The following FAM120C variants were observed in gnomAD, a reference collection of about 807,000 sequenced individuals.
FAM120C encodes the protein constitutive coactivator of PPAR-gamma-like protein 2.
FAM120C carries 14 observed loss-of-function variants against 71.2 expected under a neutral mutation model. That is an observed-to-expected ratio of 0.20 (90% confidence interval 0.13 to 0.31). The LOEUF is 0.31. FAM120C is among the 10% of genes least tolerant of loss of function. FAM120C has a pLI of 1.00. For synonymous variants in FAM120C, 354 were observed against 353.2 expected, an observed-to-expected ratio of 1.00 and a Z score of -0.03; for missense variants, 500 against 879.0, an observed-to-expected ratio of 0.57 and a Z score of 5.45.
At chrX:54,156,886 C>CA (rs782182111) in intron 3 of FAM120C, among the ~76,000 whole-genome samples, 5,014 of 32,442 alleles carry the variant, frequency 0.15, 304 homozygotes, top group Non-Finnish European at 0.19. Flanking sequence ...GACTTTGCCT[C>CA]AAAAAAAAAA....
At chrX:54,181,329 C>T (rs1557137365) in intron 1 of FAM120C, among the ~76,000 whole-genome samples, 1 of 111,082 alleles carries the variant, frequency 9.0e-6, no homozygotes, top group Non-Finnish European at 1.9e-5. Flanking sequence ...AATAGGTTTG[C>T]GGTTTCTTTC....
intron 9 of FAM120C, among the ~76,000 whole-genome samples, chrX:54,131,537 C>A: frequency 9.1e-6 from 1 of 109,540 alleles, no homozygotes; most frequent in Non-Finnish European, 1.9e-5. Flanking sequence ...CTCCTGAGTT[C>A]AAGCGATTCT....
intron 1 of FAM120C, among the ~76,000 whole-genome samples, chrX:54,165,704 G>A (rs782063333): frequency 1.5e-4 from 17 of 110,505 alleles, no homozygotes; most frequent in African/African-American, 5.3e-4. Context: ...TTGATCTCAG[G>A]AGGTAGCGGT....
chrX:54,078,189 C>T (rs962500040), intron 15 of FAM120C, among the ~76,000 whole-genome samples: 29 of 106,770 alleles, frequency 2.7e-4, no homozygotes, highest in Non-Finnish European at 1.5e-4. Context: ...GTGATCCGCC[C>T]GCCTCGGCCT....
At chrX:54,141,746 A>G (rs1557131700) in intron 4 of FAM120C, among the ~76,000 whole-genome samples, 1 of 111,414 alleles carries the variant, frequency 9.0e-6, no homozygotes, top group African/African-American at 3.3e-5. Flanking sequence ...CCTAGAAGTA[A>G]TAAGTGAGTT....
chrX:54,113,301 A>T (rs1185362434), intron 10 of FAM120C, among the ~76,000 whole-genome samples: 3 of 108,026 alleles, frequency 2.8e-5, no homozygotes, highest in Non-Finnish European at 5.7e-5. Flanking sequence ...ATCTCTACTA[A>T]AATAAAAAAT....
At chrX:54,144,180 T>C (rs2067142442) in intron 4 of FAM120C, among the ~76,000 whole-genome samples, 1 of 111,412 alleles carries the variant, frequency 9.0e-6, no homozygotes. Flanking sequence ...TAATAAGAGC[T>C]ATTTATGACA....
chrX:54,078,145 T>A (rs1029270458), intron 15 of FAM120C, among the ~76,000 whole-genome samples: 1 of 104,926 alleles, frequency 9.5e-6, no homozygotes, highest in Non-Finnish European at 2.0e-5. Flanking sequence ...GGGTTTCACC[T>A]TGTTAGCCAG....
At position 54,073,173 on chromosome X, in the gene FAM120C, G is replaced by T; in HGVS notation, c.3151C>A (p.Pro1051Thr). 3 of 1,211,261 alleles carry T rather than the reference G, an allele frequency of 2.5e-6. No homozygotes were observed. In the South Asian group the frequency reaches 5.3e-5, roughly 21 times the overall value. Residue 1051 changes from proline to threonine, a missense_variant, in exon 16 of 16, where the codon CCA becomes ACA. By Grantham distance (38) the Pro-to-Thr change is conservative (BLOSUM62 -1). Coordinates refer to ENST00000375180, the MANE Select transcript of FAM120C (RefSeq NM_017848.6). The stretch of plus-strand genomic sequence containing the variant: ...GATAAGGCACATTGTGATGGAGCTG[G>T]AAGACGATGATCACTCTTCTCTTCC... ...IKEEKSDHRL[P>T]APSQCALSRD...
At chrX:54,082,623 G>C (rs1236283143) in intron 13 of FAM120C, among the ~76,000 whole-genome samples, 1 of 108,774 alleles carries the variant, frequency 9.2e-6, no homozygotes, top group Non-Finnish European at 1.9e-5. Context: ...TGGCCAGGCT[G>C]GTCTCGAACT....
chrX:54,104,823 AG>A (rs1483786986), intron 10 of FAM120C, among the ~76,000 whole-genome samples: 1 of 110,514 alleles, frequency 9.0e-6, no homozygotes, highest in Non-Finnish European at 1.9e-5. Flanking sequence ...GGGAAAAAAA[AG>A]AAAAAGAAAA....
chrX:54,091,563 T>A, intron 10 of FAM120C, 137 bp from the exon 11 acceptor site: 1 of 425,523 alleles, frequency 2.4e-6, no homozygotes, highest in Non-Finnish European at 4.1e-6. Context: ...GGAAAAAGAA[T>A]CTCTGCTTTC....
At chrX:54,175,545 G>A (rs1253870357) in intron 1 of FAM120C, among the ~76,000 whole-genome samples, 5 of 108,964 alleles carry the variant, frequency 4.6e-5, no homozygotes, top group South Asian at 8.1e-4. Context: ...TCTTAACTCC[G>A]TCGCCCAGGC....
chrX:54,138,495 CAAA>C (rs781947470), intron 4 of FAM120C, among the ~76,000 whole-genome samples: 3 of 41,001 alleles, frequency 7.3e-5, no homozygotes, highest in African/African-American at 1.1e-4. Flanking sequence ...GACACTGTCT[CAAA>C]AAAAAAAAAA....
At chrX:54,100,961 T>A (rs1404273815) in intron 10 of FAM120C, among the ~76,000 whole-genome samples, 2 of 111,217 alleles carry the variant, frequency 1.8e-5, no homozygotes, top group East Asian at 2.8e-4. Context: ...TGCATTGCCC[T>A]GGTTGGAGAC....
rs782506290 is a variant in FAM120C, at chrX:54,133,962, A to G, written c.1701T>C (p.Thr567=). The change falls in exon 8 of 16, where the codon ACT becomes ACC. Residue 567 remains threonine (T), a synonymous_variant. Coordinates refer to ENST00000375180, the MANE Select transcript of FAM120C (RefSeq NM_017848.6). ...CACCTAGGCTCGCTTCTGAAACTCC[A>G]GTATCAACAGGCTGTGCCCAGGACC... ...DRGSWAQPVD[T]GVSEASLGDG... The G allele has an allele frequency of 8.3e-7, 1 of 1,211,679 alleles. No homozygotes were observed. Among genetic ancestry groups the G allele is most frequent in the Non-Finnish European group, 1.1e-6 (1 of 895,390 alleles).
In FAM120C at chrX:54,085,717, G is replaced by A. The variant is rs1557121877; in HGVS notation, c.2837C>T (p.Ala946Val). 1 of 1,209,280 alleles carries A rather than the reference G, an allele frequency of 8.3e-7. No homozygotes were observed. The highest frequency in any genetic ancestry group is 1.8e-5 in the South Asian group (1 of 56,917). ...LPPQGRSRGFAGLHPIPPQGG... is the reference protein window; with the variant it reads ...LPPQGRSRGFVGLHPIPPQGG... ...ATACCTCATTCTTTGGTACTGACCT[G>A]CAAATCCCCGGCTCCTCCCTTGAGG... Residue 946 changes from alanine to valine, a missense_variant and splice_region_variant, in exon 13 of 16, where the codon GCA becomes GTA. By Grantham distance (64) the Ala-to-Val change is moderately conservative. Around this residue, in one of 11 missense-constraint regions of FAM120C, gnomAD observed 34 missense variants for 45.2 expected, o/e 0.75. Transcript: ENST00000375180.
At chrX:54,174,192 G>C in intron 1 of FAM120C, 1 of 512,126 alleles carries the variant, frequency 2.0e-6, no homozygotes, top group South Asian at 2.5e-5. Context: ...GAAAGAGAGA[G>C]AGAGTGCAAA....
At chrX:54,119,880 A>G (rs2066998169) in intron 9 of FAM120C, among the ~76,000 whole-genome samples, 1 of 14,280 alleles carries the variant, frequency 7.0e-5, no homozygotes, top group Non-Finnish European at 1.2e-4. Flanking sequence ...TCCATCTTGA[A>G]TTGATTTTTG....
Sources: allele counts gnomAD v4.1 joint callset (sites outside exome capture counted in the v4.1 genomes callset), GRCh38; gene constraint gnomAD v4.1.1; regional missense constraint gnomAD v4.1.1; transcripts MANE v1.5; gene names NCBI Gene and HGNC (gene_info 2026-07-23, HGNC 2026-07-21).